SRRM3: variants seen among roughly 807,000 people sequenced by gnomAD.
SRRM3 encodes serine/arginine repetitive matrix protein 3.
Under a neutral mutation model 66.2 loss-of-function variants are expected in SRRM3, and 27 were observed. The ratio of observed to expected loss-of-function variants is 0.41; its 90% CI spans 0.30 to 0.56. The LOEUF (loss-of-function observed/expected upper bound fraction) is 0.56, where lower values mean the gene tolerates loss of function less well. SRRM3 is among the 20% of genes least tolerant of loss of function. SRRM3 has a pLI of 0.32. For missense variants in SRRM3, 918 were observed against 991.9 expected (o/e 0.93, Z 1.00); for synonymous variants, 391 against 414.9 (o/e 0.94, Z 0.70).
intron 2 of SRRM3, among the ~76,000 whole-genome samples, chr7:76,243,086 A>G (rs1258703449): frequency 6.6e-6 from 1 of 152,108 alleles, no homozygotes; most frequent in Admixed American, 6.6e-5. Context: ...CACCTCCAAC[A>G]CTGAGGATCA....
At chr7:76,205,672 G>A (rs928537435) in intron 1 of SRRM3, among the ~76,000 whole-genome samples, 1 of 152,232 alleles carries the variant, frequency 6.6e-6, no homozygotes. Flanking sequence ...GGTGTGGAAG[G>A]CATCTTCAGT....
At position 76,257,716 on chromosome 7, in the gene SRRM3, C is replaced by T. The variant is rs907420669; in HGVS notation, c.336-2190C>T. Among the ~76,000 whole-genome samples the T allele has an allele frequency of 3.3e-5, 5 of 151,808 alleles. No homozygotes were observed. The South Asian group carries it at 8.3e-4, about 25-fold the overall frequency. Reference sequence around the variant, plus strand: ...TGAGGCCAGGAGTTCAAGGCTGCAGCGAGCTGTGATGGCACAACTGCACTC... The same window carrying T: ...TGAGGCCAGGAGTTCAAGGCTGCAGTGAGCTGTGATGGCACAACTGCACTC... On this transcript the variant is annotated intron_variant, in intron 3 of 14. Transcript: ENST00000611745.
chr7:76,269,490 C>T (rs1402863288), intron 11 of SRRM3: 1 of 150,908 alleles, frequency 6.6e-6, no homozygotes, highest in African/African-American at 2.4e-5. Context: ...TGAACGAAAC[C>T]GTCTTCGGGA....
intron 1 of SRRM3, among the ~76,000 whole-genome samples, chr7:76,207,059 T>C (rs1206880401): frequency 6.6e-6 from 1 of 152,106 alleles, no homozygotes; most frequent in African/African-American, 2.4e-5. Context: ...AAAAGCAAGT[T>C]GTACAGAATC....
At chr7:76,251,443 C>G (rs1801580234) in intron 3 of SRRM3, among the ~76,000 whole-genome samples, 1 of 151,218 alleles carries the variant, frequency 6.6e-6, no homozygotes, top group African/African-American at 2.4e-5. Context: ...GGCGCAATCT[C>G]GGCTCACTGC....
intron 8 of SRRM3, among the ~76,000 whole-genome samples, chr7:76,264,119 C>T (rs1188583823): frequency 6.6e-6 from 1 of 150,764 alleles, no homozygotes; most frequent in African/African-American, 2.4e-5. Flanking sequence ...TGGCCCAGAC[C>T]TAAGGCTTGA....
intron 10 of SRRM3, 39 bp downstream of exon 10, chr7:76,265,507 G>C (rs782747394): frequency 4.5e-6 from 7 of 1,539,316 alleles, no homozygotes; most frequent in Non-Finnish European, 6.2e-6. Flanking sequence ...CCTGGTGGGG[G>C]ATGAGGGTTG....
chr7:76,237,742 C>T (rs185700662), intron 2 of SRRM3, among the ~76,000 whole-genome samples: 31 of 152,210 alleles, frequency 2.0e-4, no homozygotes, highest in African/African-American at 7.5e-4. Flanking sequence ...ACTCCACCTC[C>T]TTGATGAACC....
chr7:76,282,629 C>T lies in SRRM3; in HGVS notation c.1371-19C>T. ...TTCCGGGTCGCTGAGCCCTATCCCG[C>T]GCCGTCTCCCTCCTCCAGGGCCAAG... On this transcript the variant is annotated intron_variant, in intron 12 of 14. Transcript: ENST00000611745. 1.4e-6 allele frequency: 2 copies of T among 1,401,062 alleles called. No individual in the cohort carries two copies. Among genetic ancestry groups the T allele is most frequent in the Non-Finnish European group, 1.9e-6 (2 of 1,078,030 alleles). The allele number at this position is 1,401,062 out of a possible 1,614,324, so 86.8% of individuals were successfully genotyped here.
At chr7:76,242,510 A>G (rs1306774213) in intron 2 of SRRM3, among the ~76,000 whole-genome samples, 3 of 149,678 alleles carry the variant, frequency 2.0e-5, no homozygotes, top group Non-Finnish European at 2.9e-5. Flanking sequence ...AAATTTTTCC[A>G]TGGACTAGGC....
At chr7:76,241,878 T>C (rs1452419877) in intron 2 of SRRM3, among the ~76,000 whole-genome samples, 1 of 152,208 alleles carries the variant, frequency 6.6e-6, no homozygotes, top group African/African-American at 2.4e-5. Context: ...CACGTCTGTG[T>C]TAGCCCACTT....
At chr7:76,226,482 G>T (rs1187651709) in intron 1 of SRRM3, among the ~76,000 whole-genome samples, 1 of 152,278 alleles carries the variant, frequency 6.6e-6, no homozygotes, top group African/African-American at 2.4e-5. Flanking sequence ...GCTGGGGACA[G>T]CCTCAGTTGA....
At chr7:76,230,982 C>T (rs1801001402) in intron 1 of SRRM3, among the ~76,000 whole-genome samples, 1 of 151,980 alleles carries the variant, frequency 6.6e-6, no homozygotes, top group Non-Finnish European at 1.5e-5. Context: ...AACTCCTGAC[C>T]TCAGGTGATC....
At chr7:76,222,491 G>T (rs911598010) in intron 1 of SRRM3, among the ~76,000 whole-genome samples, 1 of 151,808 alleles carries the variant, frequency 6.6e-6, no homozygotes, top group Non-Finnish European at 1.5e-5. Flanking sequence ...ACCCTTCACT[G>T]GCTCCCTATT....
chr7:76,227,299 A>T (rs1554603821), intron 1 of SRRM3, among the ~76,000 whole-genome samples: 1 of 152,182 alleles, frequency 6.6e-6, no homozygotes, highest in East Asian at 1.9e-4. Context: ...TAGGGTTCAG[A>T]TTATAGCTCT....
intron 1 of SRRM3, among the ~76,000 whole-genome samples, chr7:76,218,423 AC>A (rs1800621390): frequency 1.4e-5 from 2 of 144,076 alleles, no homozygotes; most frequent in African/African-American, 5.2e-5. Context: ...CCCACCCTCC[AC>A]CCCACCCCCA....
chr7:76,247,569 C>T (rs1184876215), intron 2 of SRRM3, among the ~76,000 whole-genome samples: 10 of 152,020 alleles, frequency 6.6e-5, no homozygotes, highest in African/African-American at 9.7e-5. Context: ...GAGGAGGGTA[C>T]GGAGGAGGGG....
chr7:76,285,768 C>G lies in SRRM3; in HGVS notation c.1887C>G (p.Ser629Arg), dbSNP rs1554612732. 6.4e-7 allele frequency: 1 copy of G among 1,550,908 alleles called. No individual in the cohort carries two copies. Among genetic ancestry groups the G allele is most frequent in the East Asian group, 2.4e-5 (1 of 40,928 alleles). Residue 629 changes from serine (S) to arginine (R), a missense_variant, in exon 15 of 15, where the codon AGC becomes AGG. Coordinates refer to ENST00000611745, the MANE Select transcript of SRRM3 (RefSeq NM_001110199.3). The surrounding 1 kb of genome is among the most constrained non-coding windows in gnomAD (Gnocchi z 4.1). The part of the protein sequence containing the change: ...SYSSRSHGTR[S>R]RTRSPSRTPS... ...GCAGTCGCAGCCATGGGACCCGCAG[C>G]CGGACACGCAGCCCCTCGAGGACCC...
At chr7:76,277,367 C>T (rs549893732) in intron 11 of SRRM3, among the ~76,000 whole-genome samples, 7 of 152,290 alleles carry the variant, frequency 4.6e-5, no homozygotes, top group East Asian at 3.9e-4. Flanking sequence ...TGGTCTTCCT[C>T]GCCTACTGTT....
Sources: gnomAD v4.1 joint callset for allele counts (sites outside exome capture counted in the v4.1 genomes callset) on GRCh38, gnomAD v4.1.1 for gene constraint, Gnocchi (gnomAD v3.1) non-coding constraint, MANE v1.5 for transcripts, NCBI Gene and HGNC (gene_info 2026-07-23, HGNC 2026-07-21) for gene names.